MIPOL1: variants seen among roughly 807,000 people sequenced by gnomAD.
The protein encoded by MIPOL1 is mirror-image polydactyly gene 1 protein.
MIPOL1 carries 57 observed loss-of-function variants against 60.9 expected under a neutral mutation model. The observed-to-expected ratio is 0.94, with a 90% CI of 0.76 to 1.17. The LOEUF (loss-of-function observed/expected upper bound fraction) is 1.17, where lower values mean the gene tolerates loss of function less well. Among genes scored for constraint, MIPOL1 ranks in the 50% most tolerant of loss-of-function variants. The probability of loss-of-function intolerance (pLI) is 0.00; values close to 1 mark genes in which losing one functional copy is unlikely to be tolerated. For missense variants in MIPOL1, 551 were observed against 511.6 expected (o/e 1.08, Z -0.74); for synonymous variants, 179 against 168.8 (o/e 1.06, Z -0.47).
At chr14:37,285,540 G>A (rs982038948) in intron 7 of MIPOL1, 93 bp downstream of exon 7, 1 of 1,288,458 alleles carries the variant, frequency 7.8e-7, no homozygotes, top group South Asian at 1.5e-5. Context: ...TGTGACTTAT[G>A]CTTATGTGTT....
intron 1 of MIPOL1, among the ~76,000 whole-genome samples, chr14:37,198,492 A>G (rs1964699615): frequency 6.6e-6 from 1 of 151,798 alleles, no homozygotes; most frequent in Non-Finnish European, 1.5e-5. Flanking sequence ...GTCGTTTTAT[A>G]TTTCATTTCT....
intron 3 of MIPOL1, among the ~76,000 whole-genome samples, chr14:37,254,272 G>A (rs1286480302): frequency 6.6e-6 from 1 of 151,646 alleles, no homozygotes; most frequent in Admixed American, 6.6e-5. Context: ...GAATGATTCT[G>A]TTAATACTCT....
chr14:37,207,560 T>TTA (rs1966289162), intron 1 of MIPOL1, among the ~76,000 whole-genome samples: 1 of 151,968 alleles, frequency 6.6e-6, no homozygotes, highest in Admixed American at 6.6e-5. Context: ...TATTATTATT[T>TTA]TTTGAGATGG....
At chr14:37,328,841 A>G (rs1391829806) in intron 9 of MIPOL1, among the ~76,000 whole-genome samples, 2 of 152,204 alleles carry the variant, frequency 1.3e-5, no homozygotes, top group Admixed American at 6.5e-5. Flanking sequence ...TGTGTGAGAG[A>G]AGGAGCATGC....
intron 11 of MIPOL1, among the ~76,000 whole-genome samples, chr14:37,464,278 A>G (rs775617718): frequency 6.6e-5 from 10 of 152,148 alleles, no homozygotes; most frequent in Non-Finnish European, 1.0e-4. Context: ...AGAAAAAGAC[A>G]CCTGCACTTG....
intron 12 of MIPOL1, among the ~76,000 whole-genome samples, chr14:37,522,289 A>G (rs1448452570): frequency 6.6e-6 from 1 of 152,150 alleles, no homozygotes; most frequent in Non-Finnish European, 1.5e-5. Flanking sequence ...TTCAAATAAG[A>G]AAACGTTTTC....
chr14:37,225,193 G>A (rs1969500839), intron 1 of MIPOL1, among the ~76,000 whole-genome samples: 1 of 152,164 alleles, frequency 6.6e-6, no homozygotes. Flanking sequence ...GGCACATGGT[G>A]CAAGCTGTCA....
intron 1 of MIPOL1, among the ~76,000 whole-genome samples, chr14:37,226,226 T>G (rs1969708939): frequency 6.6e-6 from 1 of 152,204 alleles, no homozygotes; most frequent in Admixed American, 6.5e-5. Context: ...TTCCACATTT[T>G]TGGGTATCCA....
chr14:37,350,401 T>C (rs1207640493), intron 9 of MIPOL1, among the ~76,000 whole-genome samples: 3 of 151,804 alleles, frequency 2.0e-5, no homozygotes, highest in Non-Finnish European at 4.4e-5. Flanking sequence ...TTTTCTTTTC[T>C]TTTTCTTTCT....
chr14:37,266,185 G>A (rs2082860370), intron 3 of MIPOL1, among the ~76,000 whole-genome samples: 1 of 152,084 alleles, frequency 6.6e-6, no homozygotes, highest in Admixed American at 6.6e-5. Flanking sequence ...GTTAAATAGT[G>A]GTAATTTATC....
chr14:37,359,241 G>A (rs1162601850), intron 9 of MIPOL1, among the ~76,000 whole-genome samples: 1 of 152,134 alleles, frequency 6.6e-6, no homozygotes, highest in African/African-American at 2.4e-5. Flanking sequence ...CTGTAGCCTT[G>A]TAGTGTAGTT....
chr14:37,290,203 T>A (rs960309024), intron 7 of MIPOL1, among the ~76,000 whole-genome samples: 16 of 152,224 alleles, frequency 1.1e-4, no homozygotes, highest in African/African-American at 3.8e-4. Flanking sequence ...AGATTCCCCA[T>A]CCCCTTGTGT....
At position 37,413,048 on chromosome 14, in the gene MIPOL1, T is replaced by C. The variant is rs1264162809; in HGVS notation, c.937-9807T>C. Among the ~76,000 whole-genome samples, 7 of 152,064 alleles carry C rather than the reference T, an allele frequency of 4.6e-5. No individual in the cohort carries two copies. The South Asian group carries it at 1.2e-3, about 27-fold the overall frequency. On this transcript the variant is annotated intron_variant, in intron 10 of 12. Coordinates refer to ENST00000684589, the MANE Select transcript of MIPOL1 (RefSeq NM_001388067.1). The stretch of plus-strand genomic sequence containing the variant: ...CTTGGCTAAAGTGAGTGTGAAGGAA[T>C]AAAAGAGAGTTCAATGCCACATTGT...
intron 11 of MIPOL1, among the ~76,000 whole-genome samples, chr14:37,461,305 T>A (rs1426060693): frequency 6.6e-6 from 1 of 152,144 alleles, no homozygotes; most frequent in African/African-American, 2.4e-5. Flanking sequence ...TGGATGTCAG[T>A]GGGCAAAGAG....
intron 1 of MIPOL1, among the ~76,000 whole-genome samples, chr14:37,241,611 C>T (rs1006955788): frequency 1.3e-5 from 2 of 151,536 alleles, no homozygotes; most frequent in Non-Finnish European, 2.9e-5. Context: ...TGGGCGGAAA[C>T]CGTTACATTG....
At chr14:37,329,634 T>G (rs1337715568) in intron 9 of MIPOL1, among the ~76,000 whole-genome samples, 1 of 152,136 alleles carries the variant, frequency 6.6e-6, no homozygotes, top group Non-Finnish European at 1.5e-5. Flanking sequence ...ACATTTATAA[T>G]GGCAAATAAA....
chr14:37,275,790 T>C (rs2083613876), intron 6 of MIPOL1, among the ~76,000 whole-genome samples: 1 of 151,174 alleles, frequency 6.6e-6, no homozygotes, highest in South Asian at 2.1e-4. Context: ...AGCCTCTGCT[T>C]TATATGTTAG....
At chr14:37,349,136 C>T (rs991871083) in intron 9 of MIPOL1, among the ~76,000 whole-genome samples, 3 of 151,706 alleles carry the variant, frequency 2.0e-5, no homozygotes, top group African/African-American at 7.3e-5. Context: ...CTACAGGTGC[C>T]TACCACTACA....
intron 9 of MIPOL1, among the ~76,000 whole-genome samples, chr14:37,342,188 C>A (rs2090619093): frequency 6.6e-6 from 1 of 151,804 alleles, no homozygotes; most frequent in Admixed American, 6.6e-5. Flanking sequence ...ATGGTGAAAC[C>A]CCATCTCTAG....
Sources: gnomAD v4.1 joint callset for allele counts (sites outside exome capture counted in the v4.1 genomes callset) on GRCh38, gnomAD v4.1.1 for gene constraint, MANE v1.5 for transcripts, NCBI Gene and HGNC (gene_info 2026-07-23, HGNC 2026-07-21) for gene names.